The following INPP4B variants were observed in gnomAD, a reference collection of about 807,000 sequenced individuals.
INPP4B encodes inositol polyphosphate-4-phosphatase type II B, also known as inositol polyphosphate 4-phosphatase type II.
A neutral mutation model predicts 122.5 loss-of-function variants in INPP4B; 55 were observed. The ratio of observed to expected loss-of-function variants is 0.45; its 90% CI spans 0.36 to 0.56. The LOEUF (loss-of-function observed/expected upper bound fraction) is 0.56. Among genes scored for constraint, INPP4B ranks in the 20% least tolerant of loss-of-function variants. INPP4B has a pLI of 0.00. For missense variants in INPP4B, 1,000 were observed against 1,097.7 expected, an observed-to-expected ratio of 0.91 and a Z score of 1.26; for synonymous variants, 403 against 388.7, an observed-to-expected ratio of 1.04 and a Z score of -0.43.
chr4:142,630,375 T>C (rs1747666745), intron 2 of INPP4B, among the ~76,000 whole-genome samples: 1 of 152,140 alleles, frequency 6.6e-6, no homozygotes, highest in East Asian at 1.9e-4. Flanking sequence ...TTAAATCAAA[T>C]TAAATATTTA....
chr4:142,571,361 G>T (rs143573656), intron 2 of INPP4B, among the ~76,000 whole-genome samples: 65 of 152,186 alleles, frequency 4.3e-4, no homozygotes, highest in African/African-American at 1.4e-3. Context: ...ACAGTGAAAT[G>T]ATTACTGTAG....
intron 2 of INPP4B, among the ~76,000 whole-genome samples, chr4:142,579,879 G>GTAGATAGATAGATAGA (rs34007661): frequency 7.0e-6 from 1 of 142,484 alleles, no homozygotes; most frequent in African/African-American, 2.6e-5. Context: ...AGATAGGTAG[G>GTAGATAGATAGATAGA]TAGATAGATA....
intron 12 of INPP4B, among the ~76,000 whole-genome samples, chr4:142,213,274 G>A (rs752969221): frequency 1.3e-5 from 2 of 152,180 alleles, no homozygotes; most frequent in Non-Finnish European, 2.9e-5. Flanking sequence ...CCACCCAACA[G>A]GTGTTGGGTC....
At chr4:142,346,083 C>T (rs1780245577) in intron 7 of INPP4B, among the ~76,000 whole-genome samples, 1 of 152,004 alleles carries the variant, frequency 6.6e-6, no homozygotes, top group South Asian at 2.1e-4. Context: ...AAGGAACACA[C>T]AGTGGTAGAA....
In INPP4B at chr4:142,025,334, T is replaced by C. The variant is rs2152243218; in HGVS notation, c.*3448A>G. 6.6e-6 allele frequency: 1 copy of C among 152,326 alleles called. No individual in the cohort carries two copies. Among genetic ancestry groups the C allele is most frequent in the South Asian group, 2.1e-4 (1 of 4,828 alleles). 9.4% of individuals were successfully genotyped at this position (152,326 alleles called of 1,614,324 possible). On this transcript the variant is annotated 3_prime_UTR_variant, in exon 26 of 26. Transcript: ENST00000262992. ...TAGACCTAAATAGACTCAAGAGTAC[T>C]AATAAATAGTATAAGGTAGTAAAAT...
intron 21 of INPP4B, among the ~76,000 whole-genome samples, chr4:142,121,123 A>T (rs1796373521): frequency 6.6e-6 from 1 of 152,020 alleles, no homozygotes; most frequent in African/African-American, 2.4e-5. Flanking sequence ...ATAGAATTGT[A>T]CTGTTTTTCA....
intron 3 of INPP4B, among the ~76,000 whole-genome samples, chr4:142,443,070 G>A (rs1333923723): frequency 1.3e-5 from 2 of 152,122 alleles, no homozygotes; most frequent in East Asian, 1.9e-4. Context: ...TTGACACATA[G>A]GGATTATTAC....
chr4:142,468,105 C>T (rs1433648340), intron 2 of INPP4B: 4 of 152,148 alleles, frequency 2.6e-5, no homozygotes, highest in African/African-American at 9.7e-5. Context: ...AATTACCCAG[C>T]TCCGAGTATT....
At chr4:142,126,631 C>A (rs375997886) in intron 18 of INPP4B, among the ~76,000 whole-genome samples, 2 of 152,026 alleles carry the variant, frequency 1.3e-5, no homozygotes, top group East Asian at 1.9e-4. Context: ...TGCAACAGAG[C>A]CCTATTAATG....
intron 21 of INPP4B, among the ~76,000 whole-genome samples, chr4:142,116,408 G>A (rs566140995): frequency 1.3e-5 from 2 of 152,256 alleles, no homozygotes; most frequent in East Asian, 3.9e-4. Flanking sequence ...CCACATAGTT[G>A]GAGGTAAAGC....
chr4:142,105,909 C>T (rs923322585), intron 23 of INPP4B, among the ~76,000 whole-genome samples: 1 of 152,148 alleles, frequency 6.6e-6, no homozygotes, highest in African/African-American at 2.4e-5. Flanking sequence ...AACCTCTACT[C>T]ATACTCTTAT....
At chr4:142,303,838 TTATG>T (rs1279000040) in intron 9 of INPP4B, among the ~76,000 whole-genome samples, 1 of 152,102 alleles carries the variant, frequency 6.6e-6, no homozygotes, top group African/African-American at 2.4e-5. Context: ...AATATGAAAT[TTATG>T]TATTTCTTTT....
At chr4:142,735,855 C>A (rs141091068) in intron 1 of INPP4B, among the ~76,000 whole-genome samples, 123 of 151,014 alleles carry the variant, frequency 8.1e-4, no homozygotes, top group Middle Eastern at 6.8e-3. Flanking sequence ...CATATTATAT[C>A]TTTAATTTAA....
At chr4:142,288,015 G>A (rs1348153093) in intron 9 of INPP4B, among the ~76,000 whole-genome samples, 1 of 152,014 alleles carries the variant, frequency 6.6e-6, no homozygotes, top group African/African-American at 2.4e-5. Flanking sequence ...CTTCTTATAA[G>A]AGCACTAATC....
chr4:142,171,695 A>C (rs1444136215), intron 16 of INPP4B, among the ~76,000 whole-genome samples: 1 of 151,800 alleles, frequency 6.6e-6, no homozygotes, highest in Non-Finnish European at 1.5e-5. Flanking sequence ...AACTTAACTT[A>C]AAAAAAGATC....
intron 2 of INPP4B, among the ~76,000 whole-genome samples, chr4:142,592,567 T>C (rs998383290): frequency 1.3e-5 from 2 of 152,236 alleles, no homozygotes; most frequent in Non-Finnish European, 2.9e-5. Flanking sequence ...GAGTGTATAT[T>C]AAGTTTTCTT....
chr4:142,775,683 A>G (rs557174584), intron 1 of INPP4B, among the ~76,000 whole-genome samples: 2 of 151,962 alleles, frequency 1.3e-5, no homozygotes, highest in Non-Finnish European at 2.9e-5. Context: ...TATTTTCTTT[A>G]GTGAGTGAAA....
At chr4:142,527,540 A>G (rs981543080) in intron 2 of INPP4B, among the ~76,000 whole-genome samples, 1 of 152,088 alleles carries the variant, frequency 6.6e-6, no homozygotes, top group Admixed American at 6.6e-5. Flanking sequence ...ATGAATTGAT[A>G]AGCAACGTTA....
At chr4:142,702,046 G>T (rs1186190551) in intron 2 of INPP4B, among the ~76,000 whole-genome samples, 2 of 152,176 alleles carry the variant, frequency 1.3e-5, no homozygotes, top group Non-Finnish European at 2.9e-5. Context: ...GCTTAGCCAA[G>T]TCAAGCCTAA....
Sources: gnomAD v4.1 joint callset for allele counts (sites outside exome capture counted in the v4.1 genomes callset) on GRCh38, gnomAD v4.1.1 for gene constraint, MANE v1.5 for transcripts, NCBI Gene and HGNC (gene_info 2026-07-23, HGNC 2026-07-21) for gene names.